The following CCSER1 variants were observed in gnomAD, a reference collection of about 807,000 sequenced individuals.
CCSER1 encodes coiled-coil serine rich protein 1, also known as serine-rich coiled-coil domain-containing protein 1.
Under a neutral mutation model 82.0 loss-of-function variants are expected in CCSER1, and 41 were observed. That is an observed-to-expected ratio of 0.50 (90% confidence interval 0.39 to 0.65). The LOEUF (loss-of-function observed/expected upper bound fraction) is 0.65, where lower values mean the gene tolerates loss of function less well. Among genes scored for constraint, CCSER1 ranks in the 30% least tolerant of loss-of-function variants. CCSER1 has a pLI of 0.00. For missense variants in CCSER1, 1,119 were observed against 1,064.2 expected, an observed-to-expected ratio of 1.05 and a Z score of -0.72; for synonymous variants, 414 against 383.9, an observed-to-expected ratio of 1.08 and a Z score of -0.92.
At chr4:90,959,987 A>T (rs1581207815) in intron 9 of CCSER1, among the ~76,000 whole-genome samples, 1 of 152,124 alleles carries the variant, frequency 6.6e-6, no homozygotes, top group Non-Finnish European at 1.5e-5. Flanking sequence ...AGATTTGTCT[A>T]TGTCTGTCTC....
At chr4:91,514,180 A>AT (rs1250902414) in intron 10 of CCSER1, among the ~76,000 whole-genome samples, 3 of 152,194 alleles carry the variant, frequency 2.0e-5, no homozygotes, top group East Asian at 1.9e-4. Context: ...ATTTCAAATA[A>AT]TTTTTTTATT....
intron 5 of CCSER1, among the ~76,000 whole-genome samples, chr4:90,544,287 C>A (rs139425412): frequency 3.3e-5 from 5 of 152,122 alleles, no homozygotes; most frequent in Non-Finnish European, 4.4e-5. Context: ...GTCCCCCAAA[C>A]CACCTTAAGT....
At chr4:90,279,041 G>A (rs956354703) in intron 1 of CCSER1, among the ~76,000 whole-genome samples, 1 of 151,978 alleles carries the variant, frequency 6.6e-6, no homozygotes, top group Non-Finnish European at 1.5e-5. Context: ...TATTGCCCAT[G>A]TTTTACATTA....
intron 10 of CCSER1, among the ~76,000 whole-genome samples, chr4:91,330,942 G>A (rs1241037464): frequency 6.6e-6 from 1 of 152,092 alleles, no homozygotes; most frequent in African/African-American, 2.4e-5. Flanking sequence ...GTCTGGCTTT[G>A]TTCAGCCTGG....
chr4:90,654,193 G>T (rs576593578), intron 6 of CCSER1, among the ~76,000 whole-genome samples: 1 of 152,070 alleles, frequency 6.6e-6, no homozygotes, highest in Non-Finnish European at 1.5e-5. Flanking sequence ...TTCTGTTATA[G>T]TATAAAATTG....
intron 5 of CCSER1, among the ~76,000 whole-genome samples, chr4:90,530,577 G>GA (rs534187314): frequency 1.1e-3 from 169 of 152,258 alleles, no homozygotes; most frequent in African/African-American, 3.8e-3. Flanking sequence ...GAGATTCCTA[G>GA]AAAAAGCTGG....
chr4:90,171,161 C>G lies in CCSER1; in HGVS notation c.-42+43330C>G, dbSNP rs1731590686. On this transcript the variant is annotated intron_variant, in intron 1 of 10. Coordinates refer to ENST00000509176, the MANE Select transcript of CCSER1 (RefSeq NM_001145065.2). The stretch of plus-strand genomic sequence containing the variant: ...CAAAAATTAAAAATTAAAAAAAAGT[C>G]TTGTGGGCAGAAATGTAAAAAAAAA... 2.1e-5 allele frequency among the ~76,000 whole-genome samples: 3 copies of G among 143,382 alleles called. No homozygotes were observed. The South Asian group carries it at 6.9e-4, about 33-fold the overall frequency. 94.1% of individuals were successfully genotyped at this position (143,382 alleles called of 152,430 possible).
intron 10 of CCSER1, among the ~76,000 whole-genome samples, chr4:91,251,118 T>A (rs909964598): frequency 3.3e-5 from 5 of 152,260 alleles, no homozygotes; most frequent in Non-Finnish European, 7.4e-5. Flanking sequence ...TCACTGTCGT[T>A]GCTCAGGCTG....
intron 10 of CCSER1, among the ~76,000 whole-genome samples, chr4:91,347,141 T>C (rs1748114943): frequency 6.6e-6 from 1 of 152,156 alleles, no homozygotes; most frequent in East Asian, 1.9e-4. Flanking sequence ...TTTAGATGTA[T>C]GGTTCATTTT....
intron 9 of CCSER1, among the ~76,000 whole-genome samples, chr4:90,970,653 ACCT>A (rs1368467538): frequency 6.6e-6 from 1 of 151,988 alleles, no homozygotes; most frequent in African/African-American, 2.4e-5. Context: ...TCTCAAGCAC[ACCT>A]ATGACATCTT....
At chr4:90,437,982 TTAG>T (rs1158086008) in intron 4 of CCSER1, among the ~76,000 whole-genome samples, 1 of 152,166 alleles carries the variant, frequency 6.6e-6, no homozygotes, top group Non-Finnish European at 1.5e-5. Context: ...GGTTTACCAC[TTAG>T]TAGCTGTGTG....
intron 10 of CCSER1, among the ~76,000 whole-genome samples, chr4:91,577,979 A>C (rs755478824): frequency 9.9e-5 from 15 of 151,980 alleles, no homozygotes; most frequent in Non-Finnish European, 1.9e-4. Context: ...TACACTAAAG[A>C]CTGCAAGTTC....
At chr4:90,211,203 T>C (rs1030516977) in intron 1 of CCSER1, among the ~76,000 whole-genome samples, 2 of 152,224 alleles carry the variant, frequency 1.3e-5, no homozygotes, top group Non-Finnish European at 2.9e-5. Context: ...GAAATCCCCA[T>C]GTGCAACAAG....
At chr4:90,767,324 G>A (rs1419558579) in intron 7 of CCSER1, among the ~76,000 whole-genome samples, 1 of 151,732 alleles carries the variant, frequency 6.6e-6, no homozygotes, top group East Asian at 1.9e-4. Context: ...TTTCATGAAA[G>A]GCAGCATAAT....
intron 7 of CCSER1, among the ~76,000 whole-genome samples, chr4:90,733,473 G>T (rs896028065): frequency 1.4e-4 from 22 of 151,924 alleles, no homozygotes; most frequent in African/African-American, 4.8e-4. Flanking sequence ...ATTTTCTCCC[G>T]TTCTGTGAGT....
intron 3 of CCSER1, among the ~76,000 whole-genome samples, chr4:90,356,434 A>G (rs549163014): frequency 1.1e-4 from 17 of 151,608 alleles, no homozygotes; most frequent in Non-Finnish European, 2.2e-4. Context: ...TTTTATGTAA[A>G]AAATTAAACT....
At chr4:90,821,904 G>A (rs1387410265) in intron 8 of CCSER1, among the ~76,000 whole-genome samples, 1 of 152,094 alleles carries the variant, frequency 6.6e-6, no homozygotes, top group Non-Finnish European at 1.5e-5. Context: ...TGTCATAAAT[G>A]TTGATGGTGA....
intron 5 of CCSER1, among the ~76,000 whole-genome samples, chr4:90,548,749 TAC>T (rs1553939942): frequency 9.5e-5 from 14 of 147,836 alleles, no homozygotes; most frequent in South Asian, 4.3e-4. Flanking sequence ...TATATATATA[TAC>T]ACACACACAC....
intron 4 of CCSER1, among the ~76,000 whole-genome samples, chr4:90,404,826 C>G (rs760338831): frequency 1.4e-4 from 22 of 152,156 alleles, no homozygotes; most frequent in Non-Finnish European, 1.2e-4. Flanking sequence ...AGTACCACAT[C>G]AAGGGAGCAC....
Sources: allele counts gnomAD v4.1 joint callset (sites outside exome capture counted in the v4.1 genomes callset), GRCh38; gene constraint gnomAD v4.1.1; transcripts MANE v1.5; gene names NCBI Gene and HGNC (gene_info 2026-07-23, HGNC 2026-07-21).